RGS7BP: variants seen among roughly 807,000 people sequenced by gnomAD.
The protein encoded by RGS7BP is regulator of G protein signaling 7-binding protein.
Under a neutral mutation model 31.3 loss-of-function variants are expected in RGS7BP, and 9 were observed. The ratio of observed to expected loss-of-function variants is 0.29; its 90% CI spans 0.17 to 0.50. RGS7BP has a LOEUF of 0.50. Ranked by LOEUF, RGS7BP falls within the 20% of genes least tolerant of loss-of-function variation. The pLI, the probability that RGS7BP is intolerant of heterozygous loss-of-function variation, is 0.98. For synonymous variants in RGS7BP, 115 were observed against 120.1 expected, an observed-to-expected ratio of 0.96 and a Z score of 0.28; for missense variants, 274 against 322.0, an observed-to-expected ratio of 0.85 and a Z score of 1.14.
rs1748668948 is a variant in RGS7BP at position 64,506,151 on chromosome 5, G to A, written c.-474G>A. On this transcript the variant is annotated 5_prime_UTR_variant, in exon 1 of 6. Transcript: ENST00000334025. The surrounding 1 kb of genome is among the most constrained non-coding windows in gnomAD (Gnocchi z 4.6). ...AGGCCTGGCGACAGTGGAGGGAGGG[G>A]AAAGACGAACCGAGTGCCGCTGCGG... 1 of 152,850 alleles carries A rather than the reference G, an allele frequency of 6.5e-6. No individual in the cohort carries two copies. Among genetic ancestry groups the A allele is most frequent in the African/African-American group, 2.4e-5 (1 of 41,478 alleles). 9.5% of individuals were successfully genotyped at this position (152,850 alleles called of 1,614,324 possible). A position where few individuals can be genotyped will look rare whatever the true frequency, so the allele number is the denominator to read the frequency against.
chr5:64,563,788 T>G (rs1250945775), intron 2 of RGS7BP, among the ~76,000 whole-genome samples: 2 of 152,210 alleles, frequency 1.3e-5, no homozygotes, highest in African/African-American at 2.4e-5. Context: ...TGTGTTTATT[T>G]TGAAACTAAA....
At chr5:64,602,497 G>A (rs1003702311) in intron 5 of RGS7BP, among the ~76,000 whole-genome samples, 3 of 152,120 alleles carry the variant, frequency 2.0e-5, no homozygotes, top group Non-Finnish European at 4.4e-5. Flanking sequence ...AGCAGCCTTT[G>A]TCCCCATCCT....
At chr5:64,518,016 G>T (rs1749017908) in intron 2 of RGS7BP, among the ~76,000 whole-genome samples, 1 of 152,162 alleles carries the variant, frequency 6.6e-6, no homozygotes, top group African/African-American at 2.4e-5. Context: ...GCTAGAAAAT[G>T]CAAGGAAGCA....
chr5:64,526,610 A>G (rs142411166), intron 2 of RGS7BP, among the ~76,000 whole-genome samples: 48 of 152,288 alleles, frequency 3.2e-4, no homozygotes, highest in African/African-American at 1.2e-3. Context: ...AATGAATGGC[A>G]GTGATGGCCA....
rs1580379544 is a variant in RGS7BP at position 64,507,781 on chromosome 5, T to G, written c.236T>G (p.Val79Gly). The part of the protein sequence containing the change: ...ELVISIGDVS[V>G]SCPSLRAEMH... ...GTCATTTCTATTGGGGATGTCTCGGTCAGCTGCCCCTCACTCCGGGCGGAA... is the reference window on the plus strand; with the variant it reads ...GTCATTTCTATTGGGGATGTCTCGGGCAGCTGCCCCTCACTCCGGGCGGAA... The change falls in exon 2 of 6, where the codon GTC becomes GGC. Residue 79 changes from valine (V) to glycine (G), a missense_variant. Around this residue, in one of 3 missense-constraint regions of RGS7BP, gnomAD observed 149 missense variants for 152.6 expected, o/e 0.98. Coordinates refer to ENST00000334025, the MANE Select transcript of RGS7BP (RefSeq NM_001029875.3). 1 of 1,613,318 alleles carries G rather than the reference T, an allele frequency of 6.2e-7. No individual in the cohort carries two copies. Among genetic ancestry groups the G allele is most frequent in the Non-Finnish European group, 8.5e-7 (1 of 1,179,830 alleles).
At chr5:64,598,627 C>A (rs1743139735) in intron 5 of RGS7BP, among the ~76,000 whole-genome samples, 192 bp downstream of exon 5, 1 of 152,082 alleles carries the variant, frequency 6.6e-6, no homozygotes, top group Admixed American at 6.6e-5. Context: ...TCTGAGGGGG[C>A]CCAAGGTACA....
chr5:64,600,512 G>A (rs1196483064), intron 5 of RGS7BP, among the ~76,000 whole-genome samples: 2 of 152,028 alleles, frequency 1.3e-5, no homozygotes, highest in Non-Finnish European at 2.9e-5. Flanking sequence ...ATTTTTAAAT[G>A]TAATAATAAT....
chr5:64,524,954 C>A (rs1285302650), intron 2 of RGS7BP, among the ~76,000 whole-genome samples: 1 of 152,090 alleles, frequency 6.6e-6, no homozygotes, highest in African/African-American at 2.4e-5. Context: ...GGCCTCTCCA[C>A]CAATTCTATG....
At chr5:64,528,551 C>A (rs1322944581) in intron 2 of RGS7BP, among the ~76,000 whole-genome samples, 1 of 152,138 alleles carries the variant, frequency 6.6e-6, no homozygotes, top group Non-Finnish European at 1.5e-5. Flanking sequence ...GTGGCTCAGG[C>A]CTGTAATCCC....
rs200246875 is a variant in RGS7BP at position 64,520,432 on chromosome 5, C to T, written c.332+12555C>T. Among the ~76,000 whole-genome samples, 5 of 152,118 alleles carry T rather than the reference C, an allele frequency of 3.3e-5. No homozygotes were observed. In the East Asian group the frequency reaches 9.6e-4, roughly 29 times the overall value. ...AAACAGGCAGAAAGGAAAAAAATAA[C>T]AAAATTATGGCCTTACTGAAGCTGC... On this transcript the variant is annotated intron_variant, in intron 2 of 5. Coordinates refer to ENST00000334025, the MANE Select transcript of RGS7BP (RefSeq NM_001029875.3).
intron 2 of RGS7BP, among the ~76,000 whole-genome samples, chr5:64,567,613 TAGTC>T (rs1328560204): frequency 6.6e-6 from 1 of 152,178 alleles, no homozygotes; most frequent in East Asian, 1.9e-4. Context: ...AATTTAAACA[TAGTC>T]AGCCCAGTTA....
At chr5:64,509,962 G>C (rs1748789441) in intron 2 of RGS7BP, among the ~76,000 whole-genome samples, 4 of 152,116 alleles carry the variant, frequency 2.6e-5, no homozygotes, top group Admixed American at 1.3e-4. Flanking sequence ...CTCACCATCT[G>C]GGCTCCGTTA....
At chr5:64,599,013 T>A (rs1000383477) in intron 5 of RGS7BP, among the ~76,000 whole-genome samples, 2 of 152,184 alleles carry the variant, frequency 1.3e-5, no homozygotes, top group African/African-American at 4.8e-5. Flanking sequence ...TCCAGGTCTA[T>A]CCTATGGGAG....
At chr5:64,552,396 C>T (rs949711591) in intron 2 of RGS7BP, among the ~76,000 whole-genome samples, 1 of 152,174 alleles carries the variant, frequency 6.6e-6, no homozygotes, top group African/African-American at 2.4e-5. Context: ...TTAACTACTT[C>T]TGACATTTTC....
At chr5:64,595,897 T>G (rs1743051297) in intron 4 of RGS7BP, among the ~76,000 whole-genome samples, 1 of 152,208 alleles carries the variant, frequency 6.6e-6, no homozygotes. Context: ...CATGTGGTAA[T>G]TATGTGCTAT....
chr5:64,530,753 G>C (rs1178840806), intron 2 of RGS7BP, among the ~76,000 whole-genome samples: 1 of 151,768 alleles, frequency 6.6e-6, no homozygotes, highest in African/African-American at 2.4e-5. Context: ...TGTGTCAGTA[G>C]GGTTTTTTCT....
intron 2 of RGS7BP, among the ~76,000 whole-genome samples, chr5:64,533,257 T>C (rs764098257): frequency 5.3e-5 from 8 of 152,138 alleles, no homozygotes; most frequent in Non-Finnish European, 1.0e-4. Context: ...ACTGATGTGG[T>C]TGGTGATACT....
chr5:64,569,206 C>T (rs1346708972), intron 2 of RGS7BP, among the ~76,000 whole-genome samples: 1 of 152,032 alleles, frequency 6.6e-6, no homozygotes, highest in Non-Finnish European at 1.5e-5. Context: ...TCCCATGAAA[C>T]AACATGCTGT....
At chr5:64,514,263 C>A (rs1440820510) in intron 2 of RGS7BP, among the ~76,000 whole-genome samples, 1 of 151,144 alleles carries the variant, frequency 6.6e-6, no homozygotes, top group Non-Finnish European at 1.5e-5. Flanking sequence ...CTGCAATGAC[C>A]CTTTTTCCAA....
Sources: allele counts gnomAD v4.1 joint callset (sites outside exome capture counted in the v4.1 genomes callset), GRCh38; gene constraint gnomAD v4.1.1; regional missense constraint gnomAD v4.1.1; non-coding constraint Gnocchi (gnomAD v3.1); transcripts MANE v1.5; gene names NCBI Gene and HGNC (gene_info 2026-07-23, HGNC 2026-07-21).